MGA: variants seen among roughly 807,000 people sequenced by gnomAD.
The protein encoded by MGA is MAX dimerization protein MGA.
In MGA, 40 loss-of-function variants were observed where a neutral mutation model predicts 261.1. That is an observed-to-expected ratio of 0.15 (90% CI 0.12 to 0.20). The LOEUF (loss-of-function observed/expected upper bound fraction) is 0.20, where lower values mean the gene tolerates loss of function less well. Ranked by LOEUF, MGA falls within the 10% of genes least tolerant of loss-of-function variation. The pLI, the probability that MGA is intolerant of heterozygous loss-of-function variation, is 1.00. For synonymous variants in MGA, 1,302 were observed against 1,290.6 expected (o/e 1.01, Z -0.19); for missense variants, 3,397 against 3,630.5 (o/e 0.94, Z 1.65).
chr15:41,621,946 C>T, intron 1 of MGA, among the ~76,000 whole-genome samples: 1 of 150,970 alleles, frequency 6.6e-6, no homozygotes, highest in East Asian at 2.0e-4. Flanking sequence ...AGCAAAATGG[C>T]TGCTGGAAAG....
intron 2 of MGA, chr15:41,684,425 G>T: frequency 2.2e-6 from 1 of 451,194 alleles, no homozygotes; most frequent in Non-Finnish European, 4.4e-6. Flanking sequence ...TTGGATAGAA[G>T]AGACTTCTCA....
In MGA at chr15:41,713,309, T is replaced by G. The variant is rs2151501495; in HGVS notation, c.3243T>G (p.Thr1081=). The change falls in exon 9 of 24, where the codon ACT becomes ACG. Residue 1081 remains threonine, a synonymous_variant. Transcript: ENST00000219905. ...GACCAGACTGCATGTTTGGTTGTAC[T>G]TGTTTGAAAAGAAAAGTTGTACTTG... The G allele has an allele frequency of 6.2e-7, 1 of 1,613,952 alleles. No individual in the cohort carries two copies. Among genetic ancestry groups the G allele is most frequent in the East Asian group, 2.2e-5 (1 of 44,886 alleles).
intron 8 of MGA, 134 bp downstream of exon 8, chr15:41,711,483 T>A: frequency 1.2e-6 from 1 of 857,826 alleles, no homozygotes; most frequent in Non-Finnish European, 1.7e-6. Flanking sequence ...TCATGGGAAC[T>A]AAGGCTATGT....
At chr15:41,741,979 G>C (rs2062133621) in intron 14 of MGA, among the ~76,000 whole-genome samples, 1 of 151,648 alleles carries the variant, frequency 6.6e-6, no homozygotes, top group Admixed American at 6.6e-5. Context: ...CAAAGTGCTG[G>C]GATTACAGGT....
In MGA at chr15:41,766,234, G is replaced by T; in HGVS notation, c.8152G>T (p.Val2718Phe). ...CAGAGTGACGTTGGGTCCAACGCAG[G>T]TTTTTCTGGCAAACAAAGATTCTGG... Residue 2718 changes from valine to phenylalanine, a missense_variant, in exon 24 of 24, where the codon GTT becomes TTT. Coordinates refer to ENST00000219905, the MANE Select transcript of MGA (RefSeq NM_001164273.2). The T allele has an allele frequency of 6.2e-7, 1 of 1,613,972 alleles. No individual in the cohort carries two copies. Among genetic ancestry groups the T allele is most frequent in the Non-Finnish European group, 8.5e-7 (1 of 1,179,868 alleles).
chr15:41,734,688 A>G, intron 12 of MGA, 94 bp downstream of exon 12: 4 of 950,432 alleles, frequency 4.2e-6, no homozygotes, highest in Non-Finnish European at 4.6e-6. Flanking sequence ...TCAATTCAGA[A>G]TATGTCTGCC....
chr15:41,732,879 G>A (rs1021923030), intron 11 of MGA, among the ~76,000 whole-genome samples: 1 of 152,186 alleles, frequency 6.6e-6, no homozygotes, highest in Non-Finnish European at 1.5e-5. Flanking sequence ...GAACCATTCA[G>A]ACTCCTTTCC....
At chr15:41,665,193 A>C (rs1180167537) in intron 1 of MGA, among the ~76,000 whole-genome samples, 1 of 152,224 alleles carries the variant, frequency 6.6e-6, no homozygotes, top group African/African-American at 2.4e-5. Context: ...GCTGCTCATC[A>C]TTAGCTCTGA....
intron 1 of MGA, among the ~76,000 whole-genome samples, chr15:41,642,903 C>G (rs2056852863): frequency 6.6e-6 from 1 of 150,750 alleles, no homozygotes; most frequent in Non-Finnish European, 1.5e-5. Context: ...AGCCACCATG[C>G]CTGGCCTTTT....
At chr15:41,717,473 G>A (rs2060702747) in intron 9 of MGA, among the ~76,000 whole-genome samples, 1 of 152,148 alleles carries the variant, frequency 6.6e-6, no homozygotes, top group African/African-American at 2.4e-5. Context: ...GACATTGAAA[G>A]GATGATATGG....
intron 13 of MGA, among the ~76,000 whole-genome samples, chr15:41,737,544 G>T (rs191583200): frequency 2.0e-5 from 3 of 151,936 alleles, no homozygotes; most frequent in East Asian, 3.9e-4. Flanking sequence ...TATTTGATTC[G>T]TAGGGGTTTT....
At chr15:41,719,101 A>G (rs920179852) in intron 9 of MGA, among the ~76,000 whole-genome samples, 5 of 152,182 alleles carry the variant, frequency 3.3e-5, no homozygotes, top group Admixed American at 2.0e-4. Flanking sequence ...GCAATGAACA[A>G]TTGGAAATTG....
At chr15:41,686,738 A>G (rs1042717237) in intron 2 of MGA, among the ~76,000 whole-genome samples, 9 of 152,122 alleles carry the variant, frequency 5.9e-5, no homozygotes, top group African/African-American at 9.7e-5. Flanking sequence ...TTGAAATACC[A>G]TATGTTTTTT....
At chr15:41,650,928 C>G (rs186370756) in intron 1 of MGA, among the ~76,000 whole-genome samples, 4 of 152,198 alleles carry the variant, frequency 2.6e-5, no homozygotes, top group Non-Finnish European at 5.9e-5. Context: ...TTTTGTTCTG[C>G]TATAACAGGA....
chr15:41,641,790 C>T (rs1430381958), intron 1 of MGA, among the ~76,000 whole-genome samples: 1 of 151,840 alleles, frequency 6.6e-6, no homozygotes, highest in Non-Finnish European at 1.5e-5. Flanking sequence ...GTCCGGCCTA[C>T]ACTTTTTTTG....
intron 15 of MGA, among the ~76,000 whole-genome samples, chr15:41,744,872 G>A (rs960194591): frequency 1.3e-5 from 2 of 151,980 alleles, no homozygotes; most frequent in African/African-American, 4.8e-5. Context: ...AAATGTGTGT[G>A]TGTTTGTTTA....
chr15:41,668,024 G>A (rs1379525774), intron 1 of MGA, among the ~76,000 whole-genome samples: 2 of 151,742 alleles, frequency 1.3e-5, no homozygotes, highest in African/African-American at 2.4e-5. Context: ...GGCTAGTCTC[G>A]AATTCCTGGC....
chr15:41,676,502 G>A (rs2151037038), intron 2 of MGA, among the ~76,000 whole-genome samples: 1 of 152,316 alleles, frequency 6.6e-6, no homozygotes, highest in Middle Eastern at 3.4e-3. Context: ...GTCAATATTA[G>A]ACAAATATGA....
intron 15 of MGA, 34 bp downstream of exon 15, chr15:41,743,206 ACTGT>A: frequency 6.4e-7 from 1 of 1,556,836 alleles, no homozygotes; most frequent in African/African-American, 1.4e-5. Context: ...GCTTTATTTT[ACTGT>A]ACACCTATTT....
Sources: gnomAD v4.1 joint callset for allele counts (sites outside exome capture counted in the v4.1 genomes callset) on GRCh38, gnomAD v4.1.1 for gene constraint, MANE v1.5 for transcripts, NCBI Gene and HGNC (gene_info 2026-07-23, HGNC 2026-07-21) for gene names.